SBF2: variants seen among roughly 807,000 people sequenced by gnomAD.
SBF2 encodes the protein SET binding factor 2.
A neutral mutation model predicts 225.2 loss-of-function variants in SBF2; 112 were observed. The observed-to-expected ratio is 0.50, with a 90% CI of 0.43 to 0.58. SBF2 has a LOEUF of 0.58. SBF2 is among the 20% of genes least tolerant of loss of function. The pLI is 0.00. For missense variants in SBF2, 1,996 were observed against 2,206.2 expected, an observed-to-expected ratio of 0.90 and a Z score of 1.91; for synonymous variants, 763 against 773.3, an observed-to-expected ratio of 0.99 and a Z score of 0.22.
chr11:10,013,171 G>A (rs533437365), intron 6 of SBF2, among the ~76,000 whole-genome samples: 2 of 152,270 alleles, frequency 1.3e-5, no homozygotes, highest in African/African-American at 2.4e-5. Context: ...ATTTCTGGCT[G>A]ATGTGCCACT....
intron 2 of SBF2, among the ~76,000 whole-genome samples, chr11:10,166,897 G>C (rs2135230642): frequency 6.6e-6 from 1 of 152,032 alleles, no homozygotes; most frequent in South Asian, 2.1e-4. Flanking sequence ...GGAAGTCAGA[G>C]GTTGCAGTGA....
Position 10,244,254 on chromosome 11 carries a change from G to A in SBF2, c.55+49761C>T, listed in dbSNP as rs187791350. On this transcript the variant is annotated intron_variant, in intron 1 of 39. Coordinates refer to ENST00000256190, the MANE Select transcript of SBF2 (RefSeq NM_030962.4). ...TATATTTTCTTCTATGAGTTTCATCGTTTCAGGTCTTACATTTAAGTCTTT... is the reference window on the plus strand; with the variant it reads ...TATATTTTCTTCTATGAGTTTCATCATTTCAGGTCTTACATTTAAGTCTTT... Among the ~76,000 whole-genome samples, 30 of 152,102 alleles carry A rather than the reference G, an allele frequency of 2.0e-4. No homozygotes were observed. The East Asian group carries it at 3.3e-3, about 17-fold the overall frequency.
intron 28 of SBF2, among the ~76,000 whole-genome samples, chr11:9,818,949 C>T (rs938255366): frequency 5.9e-5 from 9 of 151,526 alleles, no homozygotes; most frequent in South Asian, 2.1e-4. Flanking sequence ...CTTGAACTCC[C>T]GACCTCAGGT....
intron 1 of SBF2, among the ~76,000 whole-genome samples, chr11:10,262,179 A>T (rs568195036): frequency 3.3e-5 from 5 of 152,210 alleles, no homozygotes; most frequent in Admixed American, 6.5e-5. Flanking sequence ...ACTGGTATCA[A>T]TAATTTACTG....
chr11:9,817,161 G>T, intron 28 of SBF2, 137 bp from the exon 29 acceptor site: 1 of 857,158 alleles, frequency 1.2e-6, no homozygotes, highest in Non-Finnish European at 1.9e-6. Context: ...TAAGTCATAT[G>T]GTCATTTGCT....
rs577143493 is a variant in SBF2, at chr11:9,984,835, T to C, written c.1395+4662A>G. On this transcript the variant is annotated intron_variant, in intron 13 of 39. Transcript: ENST00000256190. ...ATTTTGTATCCAGTGAAACTAAACA[T>C]CATATATGAAAGAAAGATACAGTCA... Among the ~76,000 whole-genome samples the C allele has an allele frequency of 2.8e-3, 420 of 152,156 alleles. 1 individual carries two copies. Among genetic ancestry groups the C allele is most frequent in the African/African-American group, 9.7e-3 (402 of 41,510 alleles).
intron 1 of SBF2, among the ~76,000 whole-genome samples, chr11:10,227,989 T>C (rs1174213140): frequency 1.3e-5 from 2 of 151,402 alleles, no homozygotes; most frequent in African/African-American, 4.9e-5. Context: ...TATCCTCTTT[T>C]ATTTCCTTGA....
At chr11:9,906,169 T>C (rs1163158576) in intron 16 of SBF2, among the ~76,000 whole-genome samples, 3 of 152,184 alleles carry the variant, frequency 2.0e-5, no homozygotes, top group African/African-American at 4.8e-5. Flanking sequence ...CAGAAATGCC[T>C]TGCATGTTTC....
At chr11:10,261,001 T>C (rs575845026) in intron 1 of SBF2, among the ~76,000 whole-genome samples, 36 of 152,054 alleles carry the variant, frequency 2.4e-4, no homozygotes, top group African/African-American at 8.7e-4. Flanking sequence ...AATCCAATTA[T>C]AAAATAGGCA....
rs1852577747 is a variant in SBF2 at position 9,789,193 on chromosome 11, C to T, written c.4848G>A (p.Gly1616=). 6.2e-7 allele frequency: 1 copy of T among 1,614,028 alleles called. No individual in the cohort carries two copies. The highest frequency in any genetic ancestry group is 1.1e-5 in the South Asian group (1 of 91,084). ...SEDSDLAGEA[G]PRSQRRTVWP... is the part of the protein sequence containing the mutation. ...ACACTGTTCTCCTCTGGCTCCGTGGCCCAGCTTCTCCAGCCAGGTCAGAGT... is the reference window on the plus strand; with the variant it reads ...ACACTGTTCTCCTCTGGCTCCGTGGTCCAGCTTCTCCAGCCAGGTCAGAGT... Residue 1616 remains glycine (G), a synonymous_variant, in exon 35 of 40, where the codon GGG becomes GGA. Coordinates refer to ENST00000256190, the MANE Select transcript of SBF2 (RefSeq NM_030962.4).
chr11:9,997,578 A>G (rs1947758896), intron 9 of SBF2, among the ~76,000 whole-genome samples: 1 of 152,208 alleles, frequency 6.6e-6, no homozygotes, highest in South Asian at 2.1e-4. Flanking sequence ...GGAGATCGAG[A>G]CCATCCTGAC....
At chr11:10,207,221 C>T (rs1480181613) in intron 1 of SBF2, among the ~76,000 whole-genome samples, 1 of 152,026 alleles carries the variant, frequency 6.6e-6, no homozygotes, top group Non-Finnish European at 1.5e-5. Flanking sequence ...GAACTATCAA[C>T]TATGAATTCT....
chr11:10,187,915 G>A (rs1328202627), intron 2 of SBF2, among the ~76,000 whole-genome samples: 1 of 152,150 alleles, frequency 6.6e-6, no homozygotes, highest in Non-Finnish European at 1.5e-5. Context: ...CCTGCAATGT[G>A]CGTGAGATAG....
chr11:9,857,092 T>C (rs56067762), intron 18 of SBF2, among the ~76,000 whole-genome samples: 32,886 of 152,162 alleles, frequency 0.22, 4,221 homozygotes, highest in Non-Finnish European at 0.28. Flanking sequence ...CGGCCTAACA[T>C]AGATGTTTTA....
At chr11:10,136,271 T>C (rs919824712) in intron 2 of SBF2, among the ~76,000 whole-genome samples, 1 of 152,070 alleles carries the variant, frequency 6.6e-6, no homozygotes, top group African/African-American at 2.4e-5. Context: ...CAAGGTGAGA[T>C]TTGGATAGGG....
At chr11:10,223,402 TATATATATA>T (rs1958416222) in intron 1 of SBF2, among the ~76,000 whole-genome samples, 6 of 58,390 alleles carry the variant, frequency 1.0e-4, no homozygotes, top group Non-Finnish European at 1.5e-4. Context: ...TTGCACATTA[TATATATATA>T]TATATATATA....
At chr11:10,090,404 C>T (rs1029192616) in intron 2 of SBF2, among the ~76,000 whole-genome samples, 1 of 152,174 alleles carries the variant, frequency 6.6e-6, no homozygotes, top group South Asian at 2.1e-4. Context: ...CACCCAAACA[C>T]TGACACAGGT....
chr11:9,847,093 G>T lies in SBF2; in HGVS notation c.2807-10C>A. 1 of 1,613,620 alleles carries T rather than the reference G, an allele frequency of 6.2e-7. No homozygotes were observed. The highest frequency in any genetic ancestry group is 8.5e-7 in the Non-Finnish European group (1 of 1,179,620). Reference sequence around the variant, plus strand: ...ACTGTCTGCTCACCCACTGTAAATAGACAGGACACAGCTTCAGCAACAACA... The same window carrying T: ...ACTGTCTGCTCACCCACTGTAAATATACAGGACACAGCTTCAGCAACAACA... On this transcript the variant is annotated splice_polypyrimidine_tract_variant and intron_variant, in intron 22 of 39. Transcript: ENST00000256190.
chr11:10,096,233 AAGTTTTAGGTAT>A (rs1380486040), intron 2 of SBF2, among the ~76,000 whole-genome samples: 4 of 152,172 alleles, frequency 2.6e-5, no homozygotes, highest in Admixed American at 1.3e-4. Context: ...GTTTATCATC[AAGTTTTAGGTAT>A]AGTTTACAAA....
Sources: allele counts gnomAD v4.1 joint callset (sites outside exome capture counted in the v4.1 genomes callset), GRCh38; gene constraint gnomAD v4.1.1; transcripts MANE v1.5; gene names NCBI Gene and HGNC (gene_info 2026-07-23, HGNC 2026-07-21).